The following ANKFN1 variants were observed in gnomAD, a reference collection of about 807,000 sequenced individuals.
ANKFN1 encodes the protein ankyrin repeat and fibronectin type III domain containing 1.
In ANKFN1, 74 loss-of-function variants were observed where a neutral mutation model predicts 108.7. The ratio of observed to expected loss-of-function variants is 0.68; its 90% CI spans 0.56 to 0.83. ANKFN1 has a LOEUF of 0.83. Ranked by LOEUF, ANKFN1 falls within the 40% of genes least tolerant of loss-of-function variation. ANKFN1 has a pLI of 0.00. For synonymous variants in ANKFN1, 547 were observed against 516.2 expected, an observed-to-expected ratio of 1.06 and a Z score of -0.81; for missense variants, 1,505 against 1,382.3, an observed-to-expected ratio of 1.09 and a Z score of -1.41.
intron 4 of ANKFN1, among the ~76,000 whole-genome samples, chr17:56,079,697 G>A (rs1195090791): frequency 1.3e-5 from 2 of 152,180 alleles, no homozygotes; most frequent in African/African-American, 4.8e-5. Flanking sequence ...CAGATAAAGA[G>A]TTTGGGGCCA....
chr17:56,370,974 G>T (rs934384326), intron 6 of ANKFN1, among the ~76,000 whole-genome samples: 1 of 151,066 alleles, frequency 6.6e-6, no homozygotes, highest in Non-Finnish European at 1.5e-5. Context: ...GAACCTCTGC[G>T]TTCATACCCC....
intron 3 of ANKFN1, among the ~76,000 whole-genome samples, chr17:56,240,964 TG>T (rs1285438015): frequency 1.3e-5 from 2 of 152,156 alleles, no homozygotes; most frequent in African/African-American, 4.8e-5. Context: ...GTTTTTGGCC[TG>T]TTTTTTTTAA....
chr17:56,363,726 A>G (rs2046585969), intron 6 of ANKFN1, among the ~76,000 whole-genome samples: 1 of 152,188 alleles, frequency 6.6e-6, no homozygotes, highest in Non-Finnish European at 1.5e-5. Flanking sequence ...ATATATATAC[A>G]TAATTGAATA....
At chr17:56,233,276 A>T (rs1342215230) in intron 3 of ANKFN1, among the ~76,000 whole-genome samples, 1 of 152,140 alleles carries the variant, frequency 6.6e-6, no homozygotes, top group South Asian at 2.1e-4. Flanking sequence ...TTCAACTAAT[A>T]ATTTTATTAT....
chr17:56,473,647 C>CAAAAAA (rs956559502), intron 15 of ANKFN1: 3 of 47,822 alleles, frequency 6.3e-5, no homozygotes, highest in African/African-American at 1.3e-4. Context: ...GACTCCGTCT[C>CAAAAAA]AAAAAAAAAA....
chr17:56,421,854 G>A (rs2048414956), intron 8 of ANKFN1, among the ~76,000 whole-genome samples: 1 of 152,110 alleles, frequency 6.6e-6, no homozygotes. Context: ...TATATACATG[G>A]AAAATATCTT....
chr17:56,088,813 C>T (rs1172680646), intron 4 of ANKFN1, among the ~76,000 whole-genome samples: 3 of 151,330 alleles, frequency 2.0e-5, no homozygotes, highest in Admixed American at 2.0e-4. Context: ...GAATGATAAC[C>T]TCTCACTTCA....
At chr17:56,139,718 T>C (rs540650382) in intron 4 of ANKFN1, among the ~76,000 whole-genome samples, 2 of 152,338 alleles carry the variant, frequency 1.3e-5, no homozygotes, top group East Asian at 3.9e-4. Context: ...ACTGTCTTTT[T>C]TCTGGCCCTT....
chr17:56,304,881 C>T (rs773804645), intron 3 of ANKFN1, among the ~76,000 whole-genome samples: 3 of 151,942 alleles, frequency 2.0e-5, no homozygotes, highest in Non-Finnish European at 4.4e-5. Flanking sequence ...TGGCCATTTC[C>T]GCATTGGAAT....
chr17:56,444,030 A>G, intron 10 of ANKFN1, among the ~76,000 whole-genome samples: 1 of 152,208 alleles, frequency 6.6e-6, no homozygotes, highest in East Asian at 1.9e-4. Flanking sequence ...CCTAAGTAAA[A>G]AGAAATGCAA....
At chr17:56,459,171 C>A (rs1169504401) in intron 14 of ANKFN1, among the ~76,000 whole-genome samples, 1 of 152,064 alleles carries the variant, frequency 6.6e-6, no homozygotes, top group East Asian at 1.9e-4. Flanking sequence ...AGTTCAGTGC[C>A]GTGATCTTGG....
intron 4 of ANKFN1, among the ~76,000 whole-genome samples, chr17:56,123,481 G>A (rs1906741757): frequency 6.6e-6 from 1 of 152,198 alleles, no homozygotes; most frequent in Non-Finnish European, 1.5e-5. Context: ...CCTGTGTTCG[G>A]CAGGTTTAGA....
chr17:56,471,840 A>G (rs1766281586), intron 15 of ANKFN1: 1 of 152,258 alleles, frequency 6.6e-6, no homozygotes, highest in Non-Finnish European at 1.5e-5. Context: ...CAGAATAGGC[A>G]AATCCATGCA....
intron 8 of ANKFN1, among the ~76,000 whole-genome samples, chr17:56,421,299 A>T (rs972912829): frequency 1.3e-5 from 2 of 152,194 alleles, no homozygotes; most frequent in African/African-American, 4.8e-5. Flanking sequence ...TGCCTCAATG[A>T]GGAACACATA....
intron 15 of ANKFN1, chr17:56,471,079 T>C (rs1212644275): frequency 6.6e-6 from 1 of 152,328 alleles, no homozygotes; most frequent in African/African-American, 2.4e-5. Flanking sequence ...TTGATCCTCA[T>C]GCAAACCCAA....
chr17:56,468,154 A>T (rs904977880), intron 15 of ANKFN1, among the ~76,000 whole-genome samples: 2 of 152,198 alleles, frequency 1.3e-5, no homozygotes, highest in African/African-American at 2.4e-5. Context: ...ATTGCAAATC[A>T]GGCTTCTTTC....
Position 56,372,663 on chromosome 17 carries a change from C to T in ANKFN1, c.619C>T (p.Arg207Ter), listed in dbSNP as rs376484390. ...CCCTTTAGTTGTCAGCCTGGAAAGC[C>T]GAGCAATGCACCTCAACACACTGGT... The part of the protein sequence containing the change: ...ESPHFVSLES[R>*]AMHLNTLVQE... The change falls in exon 7 of 21, where the codon CGA (arginine) becomes TGA (stop). Residue 207 changes from arginine to a stop codon, truncating the protein, a stop_gained. Coordinates refer to ENST00000682825, the MANE Select transcript of ANKFN1 (RefSeq NM_001370326.1). LOFTEE classifies it high-confidence loss of function. 7.4e-6 allele frequency: 12 copies of T among 1,612,092 alleles called. No homozygotes were observed. Among genetic ancestry groups the T allele is most frequent in the South Asian group, 2.2e-5 (2 of 90,786 alleles).
In ANKFN1 at chr17:56,510,835, G is replaced by C. The variant is rs767680949; in HGVS notation, c.3007G>C (p.Gly1003Arg). ...AGGCTTCCTGGGAAAGCGGAAGCCA[G>C]GCAAGCACCCCCACTATGGCGGCTT... is the stretch of plus-strand genomic sequence containing the variant. ...PLGFLGKRKP[G>R]KHPHYGGFSR... The change falls in exon 21 of 21, where the codon GGC (glycine) becomes CGC (arginine). Residue 1003 changes from glycine to arginine, a missense_variant. Physicochemically the swap from Gly to Arg is moderately radical, Grantham distance 125. Coordinates refer to ENST00000682825, the MANE Select transcript of ANKFN1 (RefSeq NM_001370326.1). 5 of 1,536,198 alleles carry C rather than the reference G, an allele frequency of 3.3e-6. No individual in the cohort carries two copies. The South Asian group carries it at 3.6e-5, about 11-fold the overall frequency.
intron 8 of ANKFN1, among the ~76,000 whole-genome samples, chr17:56,388,305 G>A (rs2047332878): frequency 6.6e-6 from 1 of 151,666 alleles, no homozygotes; most frequent in Admixed American, 6.6e-5. Context: ...CACTACCACT[G>A]CCCAGCTAAT....
Sources: gnomAD v4.1 joint callset for allele counts (sites outside exome capture counted in the v4.1 genomes callset) on GRCh38, gnomAD v4.1.1 for gene constraint, MANE v1.5 for transcripts, NCBI Gene and HGNC (gene_info 2026-07-23, HGNC 2026-07-21) for gene names.